PTP4A1: variants seen among roughly 807,000 people sequenced by gnomAD.
The protein encoded by PTP4A1 is protein tyrosine phosphatase type IVA 1.
Under a neutral mutation model 20.5 loss-of-function variants are expected in PTP4A1, and 9 were observed. The observed-to-expected ratio is 0.44, with a 90% CI of 0.26 to 0.77. The LOEUF (loss-of-function observed/expected upper bound fraction) is 0.77. Among genes scored for constraint, PTP4A1 ranks in the 30% least tolerant of loss-of-function variants. The pLI is 0.19. For missense variants in PTP4A1, 137 were observed against 218.8 expected, an observed-to-expected ratio of 0.63 and a Z score of 2.36; for synonymous variants, 78 against 67.4, an observed-to-expected ratio of 1.16 and a Z score of -0.77.
intron 2 of PTP4A1, among the ~76,000 whole-genome samples, chr6:63,535,383 C>T (rs1775673549): frequency 6.6e-6 from 1 of 151,864 alleles, no homozygotes; most frequent in African/African-American, 2.4e-5. Context: ...GCACGAGAAT[C>T]ACTTGAACAG....
chr6:63,580,045 T>G lies in PTP4A1; in HGVS notation c.405-12T>G. The G allele has an allele frequency of 1.3e-6, 2 of 1,587,218 alleles. No homozygotes were observed. The highest frequency in any genetic ancestry group is 1.7e-6 in the Non-Finnish European group (2 of 1,166,200). ...TTTGCCTTGTTTCATTTTTTTTTTT[T>G]TTTCCTCCCAGAAAGCGGCGTGGAG... On this transcript the variant is annotated splice_polypyrimidine_tract_variant and intron_variant, in intron 5 of 5. Transcript: ENST00000626021.
intron 2 of PTP4A1, among the ~76,000 whole-genome samples, chr6:63,530,761 T>C (rs1017287927): frequency 5.9e-5 from 9 of 152,230 alleles, no homozygotes; most frequent in Admixed American, 3.3e-4. Flanking sequence ...ATTCATTTTT[T>C]CTTATTCCTA....
At position 63,580,456 on chromosome 6, in the gene PTP4A1, T is replaced by A; in HGVS notation, c.*282T>A. The A allele has an allele frequency of 3.4e-6, 1 of 293,376 alleles. No homozygotes were observed. The highest frequency in any genetic ancestry group is 1.1e-3 in the Middle Eastern group (1 of 950). 18.2% of individuals were successfully genotyped at this position (293,376 alleles called of 1,614,324 possible). A position where few individuals can be genotyped will look rare whatever the true frequency, so the allele number is the denominator to read the frequency against. Reference sequence around the variant, plus strand: ...CCCCAAATCATGCAGTATTGAGTTATGACTTGTTAAATCTATTCCCATGCC... The same window carrying A: ...CCCCAAATCATGCAGTATTGAGTTAAGACTTGTTAAATCTATTCCCATGCC... On this transcript the variant is annotated 3_prime_UTR_variant, in exon 6 of 6. Coordinates refer to ENST00000626021, the MANE Select transcript of PTP4A1 (RefSeq NM_003463.5).
intron 2 of PTP4A1, among the ~76,000 whole-genome samples, chr6:63,541,860 T>G (rs112510226): frequency 6.6e-6 from 1 of 152,324 alleles, no homozygotes; most frequent in African/African-American, 2.4e-5. Context: ...ATCATCAATA[T>G]TTCCCTCTGT....
intron 1 of PTP4A1, chr6:63,573,567 A>G (rs1325625576): frequency 6.6e-6 from 1 of 152,206 alleles, no homozygotes; most frequent in East Asian, 1.9e-4. Context: ...CCTCTGGGGC[A>G]TTCCGCGAGC....
rs1164244168 is a variant in PTP4A1, at chr6:63,552,477, T to G, written c.-446+1984T>G. On this transcript the variant is annotated intron_variant, in intron 3 of 3. Coordinates refer to the PTP4A1 transcript ENST00000639568. ...AGGTTGCAAAAATTTTCTCCCATTC[T>G]GTAGGTTGCCTGTTCACTCTGATGG... 1.1e-4 allele frequency among the ~76,000 whole-genome samples: 16 copies of G among 152,342 alleles called. No individual in the cohort carries two copies. In the Middle Eastern group the frequency reaches 0.014, roughly 130 times the overall value.
At chr6:63,551,595 G>A (rs1054373780) in intron 3 of PTP4A1, among the ~76,000 whole-genome samples, 6 of 151,852 alleles carry the variant, frequency 4.0e-5, no homozygotes, top group Non-Finnish European at 7.4e-5. Context: ...GTGCAGGTTT[G>A]TTACATATGT....
At chr6:63,519,280 C>T (rs1774839062), upstream of PTP4A1, among the ~76,000 whole-genome samples, 1 of 151,942 alleles carries the variant, frequency 6.6e-6, no homozygotes, top group Non-Finnish European at 1.5e-5. Context: ...GCACTCCAGC[C>T]TGGGTGACAA....
chr6:63,568,366 C>T (rs574270872), upstream of PTP4A1, among the ~76,000 whole-genome samples: 2 of 152,314 alleles, frequency 1.3e-5, no homozygotes, highest in African/African-American at 4.8e-5. Context: ...ATTGCTGTGT[C>T]TCACTGAGGG....
chr6:63,570,994 AT>A (rs1250731547), upstream of PTP4A1: 1 of 152,150 alleles, frequency 6.6e-6, no homozygotes, highest in Non-Finnish European at 1.5e-5. Flanking sequence ...AGAATTTAAG[AT>A]TTTAAAGTCT....
Position 63,576,577 on chromosome 6 carries a change from T to G in PTP4A1, c.-304T>G. On this transcript the variant is annotated 5_prime_UTR_variant, in exon 2 of 6. Transcript: ENST00000626021. Reference sequence around the variant, plus strand: ...CTCCACCAAGAAGCCCCCATAAGAGTGGTTATCCTGGACACAGAAGTGTTG... The same window carrying G: ...CTCCACCAAGAAGCCCCCATAAGAGGGGTTATCCTGGACACAGAAGTGTTG... 2.3e-6 allele frequency: 1 copy of G among 436,586 alleles called. No individual in the cohort carries two copies. The highest frequency in any genetic ancestry group is 4.0e-6 in the Non-Finnish European group (1 of 249,310). 27.0% of individuals were successfully genotyped at this position (436,586 alleles called of 1,614,324 possible). A position where few individuals can be genotyped will look rare whatever the true frequency, so the allele number is the denominator to read the frequency against.
intron 2 of PTP4A1, among the ~76,000 whole-genome samples, chr6:63,543,802 ACT>A (rs1420319012): frequency 1.3e-5 from 2 of 152,218 alleles, no homozygotes; most frequent in Admixed American, 1.3e-4. Context: ...ATTTCTAGCA[ACT>A]TTCTACCCAG....
upstream of PTP4A1, among the ~76,000 whole-genome samples, chr6:63,570,670 T>G (rs949212400): frequency 6.6e-6 from 1 of 152,260 alleles, no homozygotes; most frequent in Non-Finnish European, 1.5e-5. Flanking sequence ...TTTTTTGAAA[T>G]GCCATTACAT....
intron 2 of PTP4A1, among the ~76,000 whole-genome samples, chr6:63,528,737 T>C (rs1043906825): frequency 2.0e-5 from 3 of 152,010 alleles, no homozygotes; most frequent in African/African-American, 7.2e-5. Flanking sequence ...TACTCCAGCC[T>C]GGGGGACAGA....
At chr6:63,571,489 T>A (rs553243501), upstream of PTP4A1, 3 of 152,316 alleles carry the variant, frequency 2.0e-5, no homozygotes, top group African/African-American at 7.2e-5. Context: ...AAGACTTTAC[T>A]TCTTAGGGGC....
upstream of PTP4A1, chr6:63,571,030 T>C (rs1329042505): frequency 6.6e-6 from 1 of 152,228 alleles, no homozygotes. Context: ...CATTTATTTG[T>C]AAAGGGACAT....
chr6:63,561,367 A>C (rs1776944229), intron 3 of PTP4A1, among the ~76,000 whole-genome samples: 1 of 152,216 alleles, frequency 6.6e-6, no homozygotes, highest in Admixed American at 6.5e-5. Context: ...ATGTCAGTCA[A>C]TGTTATTAAT....
chr6:63,559,585 A>G (rs1187816256), intron 3 of PTP4A1, among the ~76,000 whole-genome samples: 3 of 152,052 alleles, frequency 2.0e-5, no homozygotes, highest in Non-Finnish European at 4.4e-5. Flanking sequence ...TCTCTACTAA[A>G]AATACAAAAA....
At chr6:63,573,849 C>A (rs1777665397) in intron 1 of PTP4A1, among the ~76,000 whole-genome samples, 1 of 152,166 alleles carries the variant, frequency 6.6e-6, no homozygotes, top group East Asian at 1.9e-4. Context: ...GCATACATTT[C>A]CCCTGCCAAT....
Sources: allele counts gnomAD v4.1 joint callset (sites outside exome capture counted in the v4.1 genomes callset), GRCh38; gene constraint gnomAD v4.1.1; transcripts MANE v1.5; gene names NCBI Gene and HGNC (gene_info 2026-07-23, HGNC 2026-07-21).